STRA6: variants seen among roughly 807,000 people sequenced by gnomAD.
STRA6 encodes signaling receptor and transporter of retinol STRA6, also known as receptor for retinol uptake STRA6.
A neutral mutation model predicts 83.6 loss-of-function variants in STRA6; 48 were observed. The observed-to-expected ratio is 0.57, with a 90% confidence interval of 0.46 to 0.73. The LOEUF (loss-of-function observed/expected upper bound fraction) is 0.73. Among genes scored for constraint, STRA6 ranks in the 30% least tolerant of loss-of-function variants. The pLI, the probability that STRA6 is intolerant of heterozygous loss-of-function variation, is 0.00. For synonymous variants in STRA6, 353 were observed against 362.3 expected, an observed-to-expected ratio of 0.97 and a Z score of 0.29; for missense variants, 760 against 838.8, an observed-to-expected ratio of 0.91 and a Z score of 1.16.
At chr15:74,209,570 C>T (rs918923242), upstream of STRA6, 3 of 790,638 alleles carry the variant, frequency 3.8e-6, no homozygotes, top group Non-Finnish European at 5.9e-6. Flanking sequence ...AAAAAGGCCC[C>T]CTCGGAGCTT....
upstream of STRA6, chr15:74,209,146 C>T (rs1388144029): frequency 5.4e-6 from 7 of 1,300,948 alleles, no homozygotes; most frequent in South Asian, 1.9e-5. Context: ...ACCCCCATCT[C>T]CAGCTCAGGC....
intron 1 of STRA6, among the ~76,000 whole-genome samples, chr15:74,208,451 G>A (rs2074311762): frequency 6.6e-6 from 1 of 152,130 alleles, no homozygotes; most frequent in Non-Finnish European, 1.5e-5. Context: ...TGAGGACATT[G>A]ACTGCTGGGC....
rs898241471 is a variant in STRA6 at position 74,188,747 on chromosome 15, G to C, written c.1090+368C>G. Among the ~76,000 whole-genome samples the C allele has an allele frequency of 6.6e-6, 1 of 152,140 alleles. No homozygotes were observed. The highest frequency in any genetic ancestry group is 1.5e-5 in the Non-Finnish European group (1 of 68,012). Reference sequence around the variant, plus strand: ...CGCCAGACCCCTGCCACGAGGATTCGCTCAGAAATCCTCACCATCTCCCTT... The same window carrying C: ...CGCCAGACCCCTGCCACGAGGATTCCCTCAGAAATCCTCACCATCTCCCTT... On this transcript the variant is annotated intron_variant, in intron 12 of 18. Coordinates refer to ENST00000395105, the MANE Select transcript of STRA6 (RefSeq NM_022369.4). This position sits in a 1 kb window ranked among gnomAD's most constrained non-coding sequence, Gnocchi z 4.5.
chr15:74,203,043 C>T (rs1027710123), upstream of STRA6: 1 of 985,904 alleles, frequency 1.0e-6, no homozygotes, highest in East Asian at 1.1e-4. Flanking sequence ...AGCCCCTGCC[C>T]GCCACATCTG....
chr15:74,191,549 C>G, intron 8 of STRA6, 58 bp from the exon 9 acceptor site: 1 of 1,500,122 alleles, frequency 6.7e-7, no homozygotes. Context: ...ATTCGTGGGT[C>G]CCTGGCTCAG....
rs1295826034 is a variant in STRA6 at position 74,182,181 on chromosome 15, T to C, written c.1500A>G (p.Gly500=). ...CTCACCGGTTGGTCAGCTGTGGGTG[T>C]CCATCATGAGTCTCCAGGAAGACCC... ...AHWVFLETHD[G]HPQLTNRRVL... is the part of the protein sequence containing the mutation. Residue 500 remains glycine, a synonymous_variant, in exon 16 of 19, where the codon GGA becomes GGG. Coordinates refer to ENST00000395105, the MANE Select transcript of STRA6 (RefSeq NM_022369.4). 5.6e-6 allele frequency: 9 copies of C among 1,613,984 alleles called. No homozygotes were observed. The highest frequency in any genetic ancestry group is 7.6e-6 in the Non-Finnish European group (9 of 1,180,002).
upstream of STRA6, among the ~76,000 whole-genome samples, chr15:74,204,064 C>G (rs1379705867): frequency 2.0e-5 from 3 of 152,220 alleles, no homozygotes; most frequent in Non-Finnish European, 2.9e-5. Context: ...AGTTCCTCCC[C>G]CTTCTTCCCA....
chr15:74,194,473 A>C, intron 7 of STRA6: 1 of 725,844 alleles, frequency 1.4e-6, no homozygotes, highest in Non-Finnish European at 1.7e-6. Flanking sequence ...CCCCCTCTCA[A>C]AGCAACCTCT....
chr15:74,188,544 C>G lies in STRA6; in HGVS notation c.1090+571G>C, dbSNP rs560511756. Among the ~76,000 whole-genome samples the G allele has an allele frequency of 2.2e-4, 33 of 152,212 alleles. No individual in the cohort carries two copies. The highest frequency in any genetic ancestry group is 6.8e-4 in the African/African-American group (28 of 41,452). ...GGACACTTCTCAGTCCCCTCCACAGCGCTGTTGGGAGCGCCCAGGAGGCAG... is the reference window on the plus strand; with the variant it reads ...GGACACTTCTCAGTCCCCTCCACAGGGCTGTTGGGAGCGCCCAGGAGGCAG... On this transcript the variant is annotated intron_variant, in intron 12 of 18. Coordinates refer to ENST00000395105, the MANE Select transcript of STRA6 (RefSeq NM_022369.4). This position sits in a 1 kb window ranked among gnomAD's most constrained non-coding sequence, Gnocchi z 4.5.
At chr15:74,210,635 C>A (rs115961699), upstream of STRA6, among the ~76,000 whole-genome samples, 1,005 of 152,314 alleles carry the variant, frequency 6.6e-3, 11 homozygotes, top group African/African-American at 0.023. Flanking sequence ...ACTCATACTG[C>A]ATGTGTAATT....
rs1567195192 is a variant in STRA6 at position 74,197,594 on chromosome 15, A to T, written c.180+158T>A. The T allele has an allele frequency of 2.6e-6, 3 of 1,170,788 alleles. No individual in the cohort carries two copies. The East Asian group carries it at 7.7e-5, about 30-fold the overall frequency. The allele number at this position is 1,170,788 out of a possible 1,614,324, so 72.5% of individuals were successfully genotyped here. On this transcript the variant is annotated intron_variant, in intron 3 of 18. Coordinates refer to ENST00000395105, the MANE Select transcript of STRA6 (RefSeq NM_022369.4). ...CAGACATCTGGAAGGTTGGACTTGC[A>T]TCCTGGTTTGGGCCTCCAAGCTGGG...
intron 4 of STRA6, among the ~76,000 whole-genome samples, chr15:74,196,804 AC>A (rs944920027): frequency 7.2e-5 from 11 of 152,090 alleles, no homozygotes; most frequent in Non-Finnish European, 1.5e-4. Flanking sequence ...GCCACCCATC[AC>A]CTGCCCCAAC....
At chr15:74,207,764 G>A (rs12915846), upstream of STRA6, 372,707 of 1,535,478 alleles carry the variant, frequency 0.24, 47,077 homozygotes, top group East Asian at 0.3. Context: ...ATGCGGGCCC[G>A]TGAGCTTGGG....
At chr15:74,211,822 C>A (rs1484543668), upstream of STRA6, among the ~76,000 whole-genome samples, 1 of 152,050 alleles carries the variant, frequency 6.6e-6, no homozygotes, top group East Asian at 1.9e-4. Context: ...CTGACTCAGT[C>A]TCCCTCCTTT....
chr15:74,180,894 C>T lies in STRA6; in HGVS notation c.1728G>A (p.Gln576=), dbSNP rs907110883. 1.2e-6 allele frequency: 2 copies of T among 1,613,964 alleles called. No homozygotes were observed. The highest frequency in any genetic ancestry group is 2.7e-5 in the African/African-American group (2 of 74,892). The stretch of plus-strand genomic sequence containing the variant: ...AGAAGGCTGTCATGGCTGGATGCGA[C>T]TGGCTGACTTCAATCTTCAAGAAGT... ...YRNFLKIEVS[Q]SHPAMTAFCS... The change falls in exon 18 of 19, where the codon CAG becomes CAA. Residue 576 remains glutamine, a synonymous_variant. Transcript: ENST00000395105.
chr15:74,183,929 A>T lies in STRA6; in HGVS notation c.1227T>A (p.Ser409Arg). Reference sequence around the variant, plus strand: ...ATATGGCTTGGCGGGAGGGATGGGGACTCCGATGCAAGGGACTCAAGTCCA... The same window carrying T: ...ATATGGCTTGGCGGGAGGGATGGGGTCTCCGATGCAAGGGACTCAAGTCCA... ...AALDLSPLHR[S>R]PHPSRQAIFC... is the part of the protein sequence containing the mutation. Residue 409 changes from serine to arginine, a missense_variant, in exon 14 of 19, where the codon AGT becomes AGA. Coordinates refer to ENST00000395105, the MANE Select transcript of STRA6 (RefSeq NM_022369.4). 6.2e-7 allele frequency: 1 copy of T among 1,613,632 alleles called. No individual in the cohort carries two copies. Among genetic ancestry groups the T allele is most frequent in the Non-Finnish European group, 8.5e-7 (1 of 1,180,000 alleles).
chr15:74,203,570 G>C (rs1230975306), upstream of STRA6, among the ~76,000 whole-genome samples: 1 of 152,254 alleles, frequency 6.6e-6, no homozygotes, highest in Admixed American at 6.5e-5. Flanking sequence ...GACCCTGTCA[G>C]CTAAGGCAGT....
chr15:74,197,813 A>T lies in STRA6; in HGVS notation c.119T>A (p.Val40Glu). 8 of 1,612,874 alleles carry T rather than the reference A, an allele frequency of 5.0e-6. No homozygotes were observed. The highest frequency in any genetic ancestry group is 6.8e-6 in the Non-Finnish European group (8 of 1,179,980). ...GGEELQPEGE[V>E]PSCHTSIPPG... ...TGGTATGCTGGTGTGGCAGGAGGGC[A>T]CTTCCCTGCAGAGCAAATGAAGGCT... is the stretch of plus-strand genomic sequence containing the variant. Residue 40 changes from valine to glutamate, a missense_variant, in exon 3 of 19, where the codon GTG becomes GAG. Val to Glu is a moderately radical substitution (Grantham distance 121, BLOSUM62 -2). Coordinates refer to ENST00000395105, the MANE Select transcript of STRA6 (RefSeq NM_022369.4).
At chr15:74,204,316 C>T (rs981264310), upstream of STRA6, among the ~76,000 whole-genome samples, 5 of 152,228 alleles carry the variant, frequency 3.3e-5, no homozygotes, top group African/African-American at 1.2e-4. Context: ...GCGCCTGGCC[C>T]TTGGGTAAGA....
Sources: allele counts gnomAD v4.1 joint callset (sites outside exome capture counted in the v4.1 genomes callset), GRCh38; gene constraint gnomAD v4.1.1; non-coding constraint Gnocchi (gnomAD v3.1); transcripts MANE v1.5; gene names NCBI Gene and HGNC (gene_info 2026-07-23, HGNC 2026-07-21).